Variants in SLFNL1 observed in about 807,000 individuals in gnomAD.
SLFNL1 encodes the protein schlafen like 1, also known as schlafen-like protein 1.
Under a neutral mutation model 32.5 loss-of-function variants are expected in SLFNL1, and 26 were observed. The ratio of observed to expected loss-of-function variants is 0.80; its 90% CI spans 0.59 to 1.11. SLFNL1 has a LOEUF of 1.11. Ranked by LOEUF, SLFNL1 falls within the 50% of genes least tolerant of loss-of-function variation. The pLI is 0.00. For missense variants in SLFNL1, 553 were observed against 546.5 expected (o/e 1.01, Z -0.12); for synonymous variants, 255 against 242.2 (o/e 1.05, Z -0.49).
In SLFNL1 at chr1:41,017,100, C is replaced by T; in HGVS notation, c.1101+134G>A. On this transcript the variant is annotated intron_variant, in intron 5 of 5. Transcript: ENST00000302946. The surrounding 1 kb of genome is among the most constrained non-coding windows in gnomAD (Gnocchi z 4.9). ...TATGGGATGTGGTGTGATTGTATTC[C>T]AACCCCTTGGGTTCAACGGGGTGAT... is the stretch of plus-strand genomic sequence containing the variant. 8.8e-7 allele frequency: 1 copy of T among 1,138,448 alleles called. No homozygotes were observed. The highest frequency in any genetic ancestry group is 1.2e-6 in the Non-Finnish European group (1 of 830,844). 70.5% of individuals were successfully genotyped at this position (1,138,448 alleles called of 1,614,324 possible).
In SLFNL1 at chr1:41,016,247, A is replaced by G; in HGVS notation, c.1102-19T>C. On this transcript the variant is annotated intron_variant, in intron 5 of 5. Coordinates refer to ENST00000302946, the MANE Select transcript of SLFNL1 (RefSeq NM_144990.4). Reference sequence around the variant, plus strand: ...GCCACCTCTGAGGGGACATGGGAAAAGCATGTGGCCAAGCCCGCCTGGTCT... The same window carrying G: ...GCCACCTCTGAGGGGACATGGGAAAGGCATGTGGCCAAGCCCGCCTGGTCT... 1 of 1,613,226 alleles carries G rather than the reference A, an allele frequency of 6.2e-7. No individual in the cohort carries two copies. The highest frequency in any genetic ancestry group is 8.5e-7 in the Non-Finnish European group (1 of 1,179,570).
In SLFNL1 at chr1:41,020,495, GGTTCA is replaced by G; in HGVS notation, c.161_165del (p.Leu54ProfsTer29). On this transcript the variant is annotated frameshift_variant, in exon 3 of 6. Transcript: ENST00000302946. LOFTEE classifies it high-confidence loss of function. ...GCAAGCACCGGCACTGAGAACTGGG[GGTTCA>G]GATGGCCCACATAGAGAGTGTGCGC... 6.2e-7 allele frequency: 1 copy of G among 1,613,474 alleles called. No individual in the cohort carries two copies. Among genetic ancestry groups the G allele is most frequent in the Non-Finnish European group, 8.5e-7 (1 of 1,180,026 alleles).
intron 3 of SLFNL1, among the ~76,000 whole-genome samples, chr1:41,019,051 A>G (rs1643618812): frequency 6.6e-6 from 1 of 151,434 alleles, no homozygotes; most frequent in Admixed American, 6.6e-5. Context: ...CATGGTCTCG[A>G]TCTCCTGACC....
chr1:41,020,286 C>T lies in SLFNL1; in HGVS notation c.375G>A (p.Leu125=). ...ATAGCAGGTCCTTCCCACGGGCTGC[C>T]AGCTCCTTGAGGATTAGGTGCTCCT... is the stretch of plus-strand genomic sequence containing the variant. ...ALEEHLILKE[L]AARGKDLLLS... The change falls in exon 3 of 6, where the codon CTG becomes CTA. Residue 125 remains leucine (L), a synonymous_variant. Coordinates refer to ENST00000302946, the MANE Select transcript of SLFNL1 (RefSeq NM_144990.4). The T allele has an allele frequency of 6.2e-7, 1 of 1,612,994 alleles. No homozygotes were observed. Among genetic ancestry groups the T allele is most frequent in the Non-Finnish European group, 8.5e-7 (1 of 1,179,532 alleles).
At position 41,020,546 on chromosome 1, in the gene SLFNL1, C is replaced by T. The variant is rs750827756; in HGVS notation, c.115G>A (p.Asp39Asn). The change falls in exon 3 of 6, where the codon GAC (aspartate) becomes AAC (asparagine). Residue 39 changes from aspartate to asparagine, a missense_variant. Physicochemically the swap from Asp to Asn is conservative, Grantham distance 23. Coordinates refer to ENST00000302946, the MANE Select transcript of SLFNL1 (RefSeq NM_144990.4). ...TGCGCCGAGGGAGCCTCCTCGAGGTCAGAGTACTCCGTCAGGGACTGCTCT... is the reference window on the plus strand; with the variant it reads ...TGCGCCGAGGGAGCCTCCTCGAGGTTAGAGTACTCCGTCAGGGACTGCTCT... Reference protein sequence around the residue: ...PAEQSLTEYSDLEEAPSAHTL... With the variant: ...PAEQSLTEYSNLEEAPSAHTL... The T allele has an allele frequency of 1.2e-6, 2 of 1,613,510 alleles. No individual in the cohort carries two copies. The highest frequency in any genetic ancestry group is 1.7e-6 in the Non-Finnish European group (2 of 1,180,026).
In SLFNL1 at chr1:41,017,118, G is replaced by T. The variant is rs929016652; in HGVS notation, c.1101+116C>A. 15 of 1,297,686 alleles carry T rather than the reference G, an allele frequency of 1.2e-5. No individual in the cohort carries two copies. In the African/African-American group the frequency reaches 1.5e-4, roughly 13 times the overall value. The allele number at this position is 1,297,686 out of a possible 1,614,324, so 80.4% of individuals were successfully genotyped here. On this transcript the variant is annotated intron_variant, in intron 5 of 5. Coordinates refer to ENST00000302946, the MANE Select transcript of SLFNL1 (RefSeq NM_144990.4). The surrounding 1 kb of genome is among the most constrained non-coding windows in gnomAD (Gnocchi z 4.9). ...TGTATTCCAACCCCTTGGGTTCAAC[G>T]GGGTGATGCAGGACCCAGGGAACCA...
At position 41,017,017 on chromosome 1, in the gene SLFNL1, ATT is replaced by A; in HGVS notation, c.1101+215_1101+216del. On this transcript the variant is annotated intron_variant, in intron 5 of 5. Coordinates refer to ENST00000302946, the MANE Select transcript of SLFNL1 (RefSeq NM_144990.4). This position sits in a 1 kb window ranked among gnomAD's most constrained non-coding sequence, Gnocchi z 4.9. Reference sequence around the variant, plus strand: ...GCCACTGCGCCTGGCCACTGCATAGATTTTTAAAAGGAGAGAGCTTGGGCCTC... The same window carrying A: ...GCCACTGCGCCTGGCCACTGCATAGATTTAAAAGGAGAGAGCTTGGGCCTC... 1 of 525,934 alleles carries A rather than the reference ATT, an allele frequency of 1.9e-6. No individual in the cohort carries two copies. The highest frequency in any genetic ancestry group is 3.2e-6 in the Non-Finnish European group (1 of 311,476). 32.6% of individuals were successfully genotyped at this position (525,934 alleles called of 1,614,324 possible).
intron 1 of SLFNL1, 85 bp from the exon 2 acceptor site, chr1:41,020,955 G>A: frequency 2.6e-6 from 1 of 388,546 alleles, no homozygotes; most frequent in South Asian, 4.6e-5. Flanking sequence ...GTGGCAGAAG[G>A]GACCAGAACT....
intron 3 of SLFNL1, among the ~76,000 whole-genome samples, chr1:41,019,945 C>T (rs1246486134): frequency 6.6e-6 from 1 of 152,220 alleles, no homozygotes; most frequent in East Asian, 1.9e-4. Context: ...GTCTCCCAGG[C>T]CCAGAGGCTG....
rs763227125 is a variant in SLFNL1 at position 41,018,056 on chromosome 1, C to T, written c.536G>A (p.Arg179Lys). Reference sequence around the variant, plus strand: ...GCTCTGCAGCTGCTGGGCCTGGGGCCTATCAGGCAGCGTGTGTGTAGGCCA... The same window carrying T: ...GCTCTGCAGCTGCTGGGCCTGGGGCTTATCAGGCAGCGTGTGTGTAGGCCA... ...PTWPTHTLPD[R>K]PQAQQLQSCQ... Residue 179 changes from arginine to lysine, a missense_variant, in exon 4 of 6, where the codon AGG becomes AAG. Arg to Lys is a conservative substitution (Grantham distance 26, BLOSUM62 2). Transcript: ENST00000302946. The T allele has an allele frequency of 1.4e-5, 22 of 1,587,764 alleles. No individual in the cohort carries two copies. The highest frequency in any genetic ancestry group is 1.6e-5 in the Non-Finnish European group (19 of 1,167,528).
chr1:41,017,587 G>A lies in SLFNL1; in HGVS notation c.957+48C>T, dbSNP rs1406869799. The A allele has an allele frequency of 6.6e-7, 1 of 1,509,950 alleles. No individual in the cohort carries two copies. The highest frequency in any genetic ancestry group is 1.4e-5 in the African/African-American group (1 of 71,668). The allele number at this position is 1,509,950 out of a possible 1,614,324, so 93.5% of individuals were successfully genotyped here. A position where few individuals can be genotyped will look rare whatever the true frequency, so the allele number is the denominator to read the frequency against. ...GGAGTGCAGGCCATCGTCTTACTGAGTGATGACAGATGACAGGCCCAGAGG... is the reference window on the plus strand; with the variant it reads ...GGAGTGCAGGCCATCGTCTTACTGAATGATGACAGATGACAGGCCCAGAGG... On this transcript the variant is annotated intron_variant, in intron 4 of 5. Coordinates refer to ENST00000302946, the MANE Select transcript of SLFNL1 (RefSeq NM_144990.4). This position sits in a 1 kb window ranked among gnomAD's most constrained non-coding sequence, Gnocchi z 4.9.
rs1222348556 is a variant in SLFNL1, at chr1:41,019,557, T to G, written c.435+669A>C. ...TAGTGGGAGCTCCAGGGACACCAAA[T>G]GGTTTGCCCTTCTGCAGACATGACA... On this transcript the variant is annotated intron_variant, in intron 3 of 5. Transcript: ENST00000302946. Among the ~76,000 whole-genome samples, 5 of 152,146 alleles carry G rather than the reference T, an allele frequency of 3.3e-5. No individual in the cohort carries two copies. In the South Asian group the frequency reaches 8.3e-4, roughly 25 times the overall value.
At position 41,016,226 on chromosome 1, in the gene SLFNL1, CCT is replaced by C. The variant is rs748420105; in HGVS notation, c.1102_1103del (p.Arg368ValfsTer55). The C allele has an allele frequency of 6.2e-7, 1 of 1,614,112 alleles. No individual in the cohort carries two copies. The highest frequency in any genetic ancestry group is 1.7e-5 in the Admixed American group (1 of 60,018). ...ASAIQEWCRQ[R>X]WLVELGKLEE... ...CCAGCTTGCCCAGCTCCACCAGCCA[CCT>C]CTGAGGGGACATGGGAAAAGCATGT... On this transcript the variant is annotated frameshift_variant and splice_region_variant, in exon 6 of 6. Transcript: ENST00000302946. LOFTEE classifies it high-confidence loss of function.
intron 1 of SLFNL1, 142 bp from the exon 2 acceptor site, chr1:41,021,012 C>G: frequency 4.0e-6 from 1 of 247,542 alleles, no homozygotes; most frequent in African/African-American, 2.1e-5. Flanking sequence ...GGGGTCCTGT[C>G]TTCCCTCCCC....
intron 5 of SLFNL1, 156 bp from the exon 6 acceptor site, chr1:41,016,384 C>G: frequency 8.6e-7 from 1 of 1,161,116 alleles, no homozygotes. Flanking sequence ...CTGCTGCCAC[C>G]TTCAACCGTG....
intron 3 of SLFNL1, 93 bp from the exon 4 acceptor site, chr1:41,018,249 C>T: frequency 5.4e-6 from 7 of 1,289,146 alleles, no homozygotes; most frequent in Non-Finnish European, 7.2e-6. Context: ...AGTCAGGCCC[C>T]TGCTGCAGCC....
chr1:41,017,459 T>G lies in SLFNL1; in HGVS notation c.958-82A>C, dbSNP rs1356650940. ...ATCCTGCCAGGCTGCTCAGCATTGC[T>G]CACTGATTCCTTAGGGCAGGCCAGC... On this transcript the variant is annotated intron_variant, in intron 4 of 5. Coordinates refer to ENST00000302946, the MANE Select transcript of SLFNL1 (RefSeq NM_144990.4). The surrounding 1 kb of genome is among the most constrained non-coding windows in gnomAD (Gnocchi z 4.9). 31 of 1,546,118 alleles carry G rather than the reference T, an allele frequency of 2.0e-5. No homozygotes were observed. The highest frequency in any genetic ancestry group is 2.4e-5 in the Non-Finnish European group (28 of 1,147,554).
chr1:41,019,172 C>A (rs1006382422), intron 3 of SLFNL1, among the ~76,000 whole-genome samples: 2 of 152,120 alleles, frequency 1.3e-5, no homozygotes, highest in African/African-American at 4.8e-5. Flanking sequence ...TGTTACTCCT[C>A]ACAATTCTTT....
Position 41,020,634 on chromosome 1 carries a change from T to G in SLFNL1, c.27A>C (p.Gln9His). 6.2e-7 allele frequency: 1 copy of G among 1,612,456 alleles called. No homozygotes were observed. The highest frequency in any genetic ancestry group is 8.5e-7 in the Non-Finnish European group (1 of 1,179,346). Residue 9 changes from glutamine to histidine, a missense_variant, in exon 3 of 6, where the codon CAA becomes CAC. By Grantham distance (24) the Gln-to-His change is conservative. Coordinates refer to ENST00000302946, the MANE Select transcript of SLFNL1 (RefSeq NM_144990.4). Reference sequence around the variant, plus strand: ...CCATGAAGGGCTCTGACACCTGTGTTTGCACTGATCTCTTCATGGGGGTCA... The same window carrying G: ...CCATGAAGGGCTCTGACACCTGTGTGTGCACTGATCTCTTCATGGGGGTCA... MTPMKRSVQTQVSEPFMES... is the reference protein window; with the variant it reads MTPMKRSVHTQVSEPFMES...
Sources: gnomAD v4.1 joint callset for allele counts (sites outside exome capture counted in the v4.1 genomes callset) on GRCh38, gnomAD v4.1.1 for gene constraint, Gnocchi (gnomAD v3.1) non-coding constraint, MANE v1.5 for transcripts, NCBI Gene and HGNC (gene_info 2026-07-23, HGNC 2026-07-21) for gene names.